The following CTNND2 variants were observed in gnomAD, a reference collection of about 807,000 sequenced individuals.
CTNND2 encodes the protein catenin delta 2.
A neutral mutation model predicts 144.4 loss-of-function variants in CTNND2; 22 were observed. The observed-to-expected ratio is 0.15, with a 90% CI of 0.11 to 0.22. The LOEUF is 0.22. CTNND2 is among the 10% of genes least tolerant of loss of function. The pLI is 1.00. For missense variants in CTNND2, 1,353 were observed against 1,618.8 expected, an observed-to-expected ratio of 0.84 and a Z score of 2.82; for synonymous variants, 751 against 695.6, an observed-to-expected ratio of 1.08 and a Z score of -1.25.
intron 7 of CTNND2, among the ~76,000 whole-genome samples, chr5:11,376,204 T>A (rs1484052167): frequency 6.6e-6 from 1 of 152,096 alleles, no homozygotes; most frequent in Admixed American, 6.6e-5. Flanking sequence ...ATTTATGATA[T>A]TTTTTATAGC....
chr5:11,252,682 G>T (rs1198453696), intron 9 of CTNND2, among the ~76,000 whole-genome samples: 1 of 152,154 alleles, frequency 6.6e-6, no homozygotes, highest in African/African-American at 2.4e-5. Context: ...TCTCAGAGAT[G>T]ATCAGGTGAT....
chr5:11,437,192 G>A (rs548266229), intron 3 of CTNND2, among the ~76,000 whole-genome samples: 34 of 152,240 alleles, frequency 2.2e-4, no homozygotes, highest in South Asian at 8.3e-4. Flanking sequence ...GTGAGTTACC[G>A]AGTTTCAGAA....
chr5:11,668,814 G>T (rs1480866323), intron 2 of CTNND2, among the ~76,000 whole-genome samples: 1 of 152,122 alleles, frequency 6.6e-6, no homozygotes. Flanking sequence ...GAACAGGAAT[G>T]GTAAGAGATG....
chr5:11,202,594 A>T (rs1399117950), intron 10 of CTNND2, among the ~76,000 whole-genome samples: 1 of 152,114 alleles, frequency 6.6e-6, no homozygotes, highest in Non-Finnish European at 1.5e-5. Context: ...AAATGGCCAC[A>T]TGTGTGAAAT....
intron 2 of CTNND2, among the ~76,000 whole-genome samples, chr5:11,659,282 T>C (rs1467632877): frequency 6.6e-6 from 1 of 152,146 alleles, no homozygotes; most frequent in East Asian, 1.9e-4. Context: ...TATATGCAAA[T>C]ACCACATCAT....
intron 3 of CTNND2, among the ~76,000 whole-genome samples, chr5:11,458,381 T>C (rs1488315489): frequency 6.6e-6 from 1 of 152,062 alleles, no homozygotes; most frequent in Non-Finnish European, 1.5e-5. Flanking sequence ...GGATTCAGAG[T>C]AAGTGTGCCA....
At chr5:11,449,639 AAATT>A (rs1201057495) in intron 3 of CTNND2, among the ~76,000 whole-genome samples, 1 of 152,248 alleles carries the variant, frequency 6.6e-6, no homozygotes, top group African/African-American at 2.4e-5. Context: ...GAAGTAAGAT[AAATT>A]AATTACTTGT....
At chr5:11,366,884 C>T (rs776097324) in intron 7 of CTNND2, among the ~76,000 whole-genome samples, 1 of 152,228 alleles carries the variant, frequency 6.6e-6, no homozygotes, top group East Asian at 1.9e-4. Context: ...TTATTACATG[C>T]ATTTATTTGG....
intron 3 of CTNND2, among the ~76,000 whole-genome samples, chr5:11,520,289 T>A (rs1336269032): frequency 6.6e-6 from 1 of 152,140 alleles, no homozygotes; most frequent in African/African-American, 2.4e-5. Context: ...CAACTGCCCC[T>A]CAATGGTTGA....
At chr5:11,686,114 G>A (rs193206307) in intron 2 of CTNND2, among the ~76,000 whole-genome samples, 10 of 152,146 alleles carry the variant, frequency 6.6e-5, no homozygotes, top group Admixed American at 2.6e-4. Flanking sequence ...GCAGAGGCTG[G>A]AGGACTGCTT....
chr5:11,391,639 C>T (rs563029842), intron 6 of CTNND2, among the ~76,000 whole-genome samples: 6 of 152,256 alleles, frequency 3.9e-5, no homozygotes, highest in Admixed American at 6.5e-5. Flanking sequence ...TCTGGTACTG[C>T]GAGAAAAGTT....
chr5:11,659,856 G>A (rs181037963), intron 2 of CTNND2, among the ~76,000 whole-genome samples: 218 of 152,204 alleles, frequency 1.4e-3, no homozygotes, highest in African/African-American at 4.3e-3. Context: ...TACCAGTAAC[G>A]TCTTTATGAC....
chr5:11,869,140 C>T (rs191865435), intron 1 of CTNND2, among the ~76,000 whole-genome samples: 17 of 152,244 alleles, frequency 1.1e-4, no homozygotes, highest in African/African-American at 3.4e-4. Flanking sequence ...TCATGCATTG[C>T]TAACAGGCAT....
At chr5:11,204,600 TATTGACAATAGCATATATTTGCCAATG>T in intron 10 of CTNND2, among the ~76,000 whole-genome samples, 1 of 152,324 alleles carries the variant, frequency 6.6e-6, no homozygotes, top group East Asian at 1.9e-4. Flanking sequence ...AATCTGCATA[TATTGACAATAGCATATATTTGCCAATG>T]AATTAGCTAT....
intron 2 of CTNND2, among the ~76,000 whole-genome samples, chr5:11,674,745 G>C (rs1228622471): frequency 8.0e-6 from 1 of 125,766 alleles, no homozygotes; most frequent in Non-Finnish European, 1.6e-5. Flanking sequence ...GGTTGGTTTT[G>C]AGACAGAGTC....
At chr5:11,769,213 G>A (rs1789776482) in intron 1 of CTNND2, among the ~76,000 whole-genome samples, 1 of 152,112 alleles carries the variant, frequency 6.6e-6, no homozygotes, top group Admixed American at 6.5e-5. Context: ...CCCAGACACA[G>A]AAACCACAGT....
intron 2 of CTNND2, among the ~76,000 whole-genome samples, chr5:11,680,579 G>A (rs756108545): frequency 6.6e-6 from 1 of 152,162 alleles, no homozygotes; most frequent in East Asian, 1.9e-4. Context: ...GGTTTTCAGC[G>A]AGAAATTATC....
In CTNND2 at chr5:10,973,468, G is replaced by A. The variant is rs377570490; in HGVS notation, c.3663C>T (p.Pro1221=). 57 of 1,596,202 alleles carry A rather than the reference G, an allele frequency of 3.6e-5. No individual in the cohort carries two copies. Among genetic ancestry groups the A allele is most frequent in the Middle Eastern group, 3.3e-4 (2 of 5,988 alleles). The change falls in exon 22 of 22, where the codon CCC becomes CCT. Residue 1221 remains proline (P), a synonymous_variant. Transcript: ENST00000304623. This position sits in a 1 kb window ranked among gnomAD's most constrained non-coding sequence, Gnocchi z 5.6. ...GCCCTGCTCCTCACACCCAGGAGTCGGGGGAGGCCGGGTAGTGGCTCGTTT... is the reference window on the plus strand; with the variant it reads ...GCCCTGCTCCTCACACCCAGGAGTCAGGGGAGGCCGGGTAGTGGCTCGTTT... ...NYETSHYPAS[P]DSWV
intron 3 of CTNND2, among the ~76,000 whole-genome samples, chr5:11,454,578 T>C (rs958942230): frequency 6.6e-6 from 1 of 151,252 alleles, no homozygotes; most frequent in Non-Finnish European, 1.5e-5. Context: ...AATAGGATAT[T>C]CATAACAGAA....
Sources: gnomAD v4.1 joint callset for allele counts (sites outside exome capture counted in the v4.1 genomes callset) on GRCh38, gnomAD v4.1.1 for gene constraint, Gnocchi (gnomAD v3.1) non-coding constraint, MANE v1.5 for transcripts, NCBI Gene and HGNC (gene_info 2026-07-23, HGNC 2026-07-21) for gene names.